CACNA2D3: variants seen among roughly 807,000 people sequenced by gnomAD.
The protein encoded by CACNA2D3 is calcium voltage-gated channel auxiliary subunit alpha2delta 3.
Under a neutral mutation model 160.6 loss-of-function variants are expected in CACNA2D3, and 60 were observed. The ratio of observed to expected loss-of-function variants is 0.37; its 90% confidence interval spans 0.30 to 0.46. The LOEUF is 0.46. CACNA2D3 is among the 20% of genes least tolerant of loss of function. The probability of loss-of-function intolerance (pLI) is 1.00; values close to 1 mark genes in which losing one functional copy is unlikely to be tolerated. For synonymous variants in CACNA2D3, 558 were observed against 492.9 expected (o/e 1.13, Z -1.75); for missense variants, 1,205 against 1,365.0 (o/e 0.88, Z 1.85).
intron 4 of CACNA2D3, among the ~76,000 whole-genome samples, chr3:54,434,536 C>A (rs1418734054): frequency 3.3e-5 from 5 of 152,228 alleles, no homozygotes; most frequent in African/African-American, 1.2e-4. Context: ...AACTAACCTC[C>A]CCAAGGACGA....
At chr3:54,253,026 G>A (rs1410748556) in intron 2 of CACNA2D3, among the ~76,000 whole-genome samples, 5 of 151,658 alleles carry the variant, frequency 3.3e-5, no homozygotes, top group Non-Finnish European at 7.4e-5. Flanking sequence ...TGAATCATTC[G>A]GTGCCCATTT....
In CACNA2D3 at chr3:54,736,080, T is replaced by C. The variant is rs1559563692; in HGVS notation, c.1168-16519T>C. On this transcript the variant is annotated intron_variant, in intron 11 of 37. Coordinates refer to ENST00000474759, the MANE Select transcript of CACNA2D3 (RefSeq NM_018398.3). ...ATGTATGTATATATATATACATATA[T>C]ATGTATGTGTATATATATACATATA... Among the ~76,000 whole-genome samples the C allele has an allele frequency of 1.6e-3, 39 of 24,324 alleles. 4 individuals carry two copies. Among genetic ancestry groups the C allele is most frequent in the Non-Finnish European group, 2.6e-3 (22 of 8,542 alleles). 16.0% of individuals were successfully genotyped at this position (24,324 alleles called of 152,430 possible).
At chr3:54,532,556 C>T (rs2106643382) in intron 5 of CACNA2D3, among the ~76,000 whole-genome samples, 1 of 152,318 alleles carries the variant, frequency 6.6e-6, no homozygotes, top group East Asian at 1.9e-4. Flanking sequence ...TGCACTATTT[C>T]ACTTTCTGTT....
At chr3:54,764,091 G>A in intron 12 of CACNA2D3, 127 bp from the exon 13 acceptor site, 1 of 971,968 alleles carries the variant, frequency 1.0e-6, no homozygotes, top group Non-Finnish European at 1.5e-6. Context: ...ATGGGGGAGA[G>A]GAGCTAACAT....
intron 2 of CACNA2D3, among the ~76,000 whole-genome samples, chr3:54,213,273 T>C (rs1701408045): frequency 1.3e-5 from 2 of 152,220 alleles, no homozygotes; most frequent in Non-Finnish European, 2.9e-5. Flanking sequence ...GTTAATGGGA[T>C]AGTTTAAATA....
intron 13 of CACNA2D3, among the ~76,000 whole-genome samples, chr3:54,787,765 A>G (rs1384518520): frequency 6.6e-6 from 1 of 152,210 alleles, no homozygotes; most frequent in Non-Finnish European, 1.5e-5. Flanking sequence ...TATGCAGACG[A>G]AAGTTAGTGC....
intron 4 of CACNA2D3, among the ~76,000 whole-genome samples, chr3:54,465,089 A>G (rs755434030): frequency 6.6e-6 from 1 of 150,678 alleles, no homozygotes; most frequent in Admixed American, 6.6e-5. Context: ...ATTTCAAAAG[A>G]TCTGTCTTCA....
At chr3:54,513,916 A>G (rs1420329214) in intron 5 of CACNA2D3, among the ~76,000 whole-genome samples, 1 of 152,024 alleles carries the variant, frequency 6.6e-6, no homozygotes, top group African/African-American at 2.4e-5. Context: ...CAAGTGATCC[A>G]CCTGCCTTGG....
At chr3:54,815,298 C>T (rs1357501817) in intron 13 of CACNA2D3, among the ~76,000 whole-genome samples, 1 of 152,150 alleles carries the variant, frequency 6.6e-6, no homozygotes, top group Non-Finnish European at 1.5e-5. Context: ...AAGTTGGAGT[C>T]TGCTTTTCAT....
intron 4 of CACNA2D3, among the ~76,000 whole-genome samples, chr3:54,467,496 A>C (rs533867523): frequency 6.6e-6 from 1 of 152,214 alleles, no homozygotes; most frequent in Admixed American, 6.5e-5. Flanking sequence ...CCATTGTGAG[A>C]CTTAGGGCAA....
Position 54,835,375 on chromosome 3 carries a change from A to T in CACNA2D3, c.1399-1784A>T, listed in dbSNP as rs375510555. On this transcript the variant is annotated intron_variant, in intron 14 of 37. Coordinates refer to ENST00000474759, the MANE Select transcript of CACNA2D3 (RefSeq NM_018398.3). ...CATTAAAATAATTATTCACATTCAG[A>T]GTGTTTGGAATGGGGCCTGAGACTA... is the stretch of plus-strand genomic sequence containing the variant. Among the ~76,000 whole-genome samples the T allele has an allele frequency of 2.0e-4, 30 of 152,178 alleles. No individual in the cohort carries two copies. The East Asian group carries it at 4.6e-3, about 24-fold the overall frequency.
chr3:54,835,869 C>T (rs1274353507), intron 14 of CACNA2D3, among the ~76,000 whole-genome samples: 2 of 152,200 alleles, frequency 1.3e-5, no homozygotes, highest in African/African-American at 4.8e-5. Context: ...AGCTGGCATC[C>T]TTTGAGCACT....
At chr3:55,033,584 GTA>G (rs36230201) in intron 35 of CACNA2D3, among the ~76,000 whole-genome samples, 49 of 112,792 alleles carry the variant, frequency 4.3e-4, no homozygotes, top group Middle Eastern at 4.6e-3. Flanking sequence ...ATGTGTGTGT[GTA>G]TATATATATA....
chr3:54,303,821 T>TTTTGTTTTTG (rs1486886594), intron 2 of CACNA2D3, among the ~76,000 whole-genome samples: 6 of 103,166 alleles, frequency 5.8e-5, no homozygotes, highest in African/African-American at 2.7e-4. Flanking sequence ...TTTTTCTGTT[T>TTTTGTTTTTG]TTTTTTTTTT....
At chr3:55,042,281 C>G (rs1703974055) in intron 35 of CACNA2D3, among the ~76,000 whole-genome samples, 1 of 152,148 alleles carries the variant, frequency 6.6e-6, no homozygotes, top group Non-Finnish European at 1.5e-5. Context: ...CTACGTCTCT[C>G]TCCCTTTAGT....
chr3:54,662,834 G>T lies in CACNA2D3; in HGVS notation c.1167+20593G>T, dbSNP rs552405138. On this transcript the variant is annotated intron_variant, in intron 11 of 37. Transcript: ENST00000474759. ...TCAGTAGGAGTAACCAGGAGTTAGAGTCTTACATTTGAAGGTCAGAGAAGC... is the reference window on the plus strand; with the variant it reads ...TCAGTAGGAGTAACCAGGAGTTAGATTCTTACATTTGAAGGTCAGAGAAGC... 2.6e-5 allele frequency among the ~76,000 whole-genome samples: 4 copies of T among 152,342 alleles called. No individual in the cohort carries two copies. In the South Asian group the frequency reaches 8.3e-4, roughly 32 times the overall value.
chr3:54,507,891 G>A (rs1701397552), intron 5 of CACNA2D3, among the ~76,000 whole-genome samples: 1 of 152,246 alleles, frequency 6.6e-6, no homozygotes, highest in Non-Finnish European at 1.5e-5. Flanking sequence ...CTCGGGGGAT[G>A]TGCTGAGGAT....
chr3:54,971,615 T>C (rs1439488411), intron 29 of CACNA2D3, among the ~76,000 whole-genome samples: 3 of 152,186 alleles, frequency 2.0e-5, no homozygotes, highest in Admixed American at 1.3e-4. Context: ...ATTTTATAAC[T>C]AAAGCCAGAG....
At chr3:54,324,304 A>G (rs1022568102) in intron 3 of CACNA2D3, among the ~76,000 whole-genome samples, 4 of 152,180 alleles carry the variant, frequency 2.6e-5, no homozygotes, top group African/African-American at 4.8e-5. Context: ...ACTCTCCACT[A>G]TGCAATTATC....
Sources: allele counts gnomAD v4.1 joint callset (sites outside exome capture counted in the v4.1 genomes callset), GRCh38; gene constraint gnomAD v4.1.1; transcripts MANE v1.5; gene names NCBI Gene and HGNC (gene_info 2026-07-23, HGNC 2026-07-21).